CCDC3: variants seen among roughly 807,000 people sequenced by gnomAD.
The protein encoded by CCDC3 is coiled-coil domain-containing protein 3.
In CCDC3, 24 loss-of-function variants were observed where a neutral mutation model predicts 21.4. That is an observed-to-expected ratio of 1.12 (90% confidence interval 0.81 to 1.58). The LOEUF is 1.58. Ranked by LOEUF, CCDC3 falls within the 40% of genes most tolerant of loss-of-function variation. The pLI, the probability that CCDC3 is intolerant of heterozygous loss-of-function variation, is 0.00. For missense variants in CCDC3, 425 were observed against 360.9 expected (o/e 1.18, Z -1.44); for synonymous variants, 186 against 166.0 (o/e 1.12, Z -0.93).
At chr10:13,058,925 T>A (rs868039057) in intron 4 of CCDC3, among the ~76,000 whole-genome samples, 2 of 152,266 alleles carry the variant, frequency 1.3e-5, no homozygotes, top group South Asian at 4.1e-4. Context: ...ATATTCTAAT[T>A]GCTTCACATA....
intron 2 of CCDC3, among the ~76,000 whole-genome samples, chr10:12,983,126 T>C (rs1206141335): frequency 2.0e-5 from 1 of 49,946 alleles, no homozygotes; most frequent in African/African-American, 9.3e-5. Flanking sequence ...ATAAATAAAA[T>C]AGTGTATATA....
intron 2 of CCDC3, among the ~76,000 whole-genome samples, chr10:12,904,301 T>TA (rs1479812035): frequency 1.3e-5 from 2 of 151,326 alleles, no homozygotes; most frequent in African/African-American, 4.9e-5. Flanking sequence ...ACCCCATCTC[T>TA]AAAAAATAAA....
At chr10:12,952,932 A>C (rs1835028670) in intron 2 of CCDC3, among the ~76,000 whole-genome samples, 1 of 152,164 alleles carries the variant, frequency 6.6e-6, no homozygotes, top group Non-Finnish European at 1.5e-5. Flanking sequence ...GCTTTCCTTC[A>C]GATTTTGAGC....
At chr10:12,995,773 C>G (rs1835753603) in intron 2 of CCDC3, among the ~76,000 whole-genome samples, 1 of 152,126 alleles carries the variant, frequency 6.6e-6, no homozygotes, top group South Asian at 2.1e-4. Context: ...CAGGGTGATT[C>G]AAGGGAAAGG....
chr10:13,024,976 G>A (rs1331166416), intron 5 of CCDC3, among the ~76,000 whole-genome samples: 1 of 152,090 alleles, frequency 6.6e-6, no homozygotes, highest in Non-Finnish European at 1.5e-5. Flanking sequence ...CTCAAAGCCT[G>A]TGTTATTACA....
chr10:12,914,065 T>C (rs1589001982), intron 2 of CCDC3, among the ~76,000 whole-genome samples: 1 of 152,330 alleles, frequency 6.6e-6, no homozygotes, highest in East Asian at 1.9e-4. Flanking sequence ...AGTGTTTTTG[T>C]CTGCTTTTAG....
chr10:13,019,924 A>C (rs140437637), intron 5 of CCDC3, among the ~76,000 whole-genome samples: 1 of 152,350 alleles, frequency 6.6e-6, no homozygotes, highest in East Asian at 1.9e-4. Context: ...TGAAACCTAA[A>C]GGTGGAAGTT....
intron 4 of CCDC3, among the ~76,000 whole-genome samples, chr10:13,050,918 C>T (rs1836598118): frequency 1.3e-5 from 2 of 152,096 alleles, no homozygotes; most frequent in South Asian, 4.1e-4. Context: ...TCCTGAGTAG[C>T]TGAGACTACA....
chr10:12,969,707 T>C (rs940602462), intron 2 of CCDC3, among the ~76,000 whole-genome samples: 1 of 148,896 alleles, frequency 6.7e-6, no homozygotes, highest in African/African-American at 2.4e-5. Flanking sequence ...TTAAAAAATA[T>C]TTTAATAATT....
intron 5 of CCDC3, among the ~76,000 whole-genome samples, chr10:13,018,856 A>C (rs1002942919): frequency 6.6e-6 from 1 of 151,786 alleles, no homozygotes; most frequent in African/African-American, 2.4e-5. Flanking sequence ...ATTTGGCTTG[A>C]ACCTGGGAGG....
At chr10:12,947,428 G>A (rs75054422) in intron 2 of CCDC3, among the ~76,000 whole-genome samples, 65 of 152,264 alleles carry the variant, frequency 4.3e-4, no homozygotes, top group African/African-American at 1.4e-3. Context: ...GATTACAGGC[G>A]TGGGTCACCA....
At chr10:13,069,045 C>T (rs374467560) in intron 4 of CCDC3, among the ~76,000 whole-genome samples, 4 of 152,292 alleles carry the variant, frequency 2.6e-5, no homozygotes, top group East Asian at 1.9e-4. Flanking sequence ...CACCTGAGGT[C>T]GGGAGTTCGA....
At chr10:13,058,516 C>T in intron 4 of CCDC3, 1 of 742,800 alleles carries the variant, frequency 1.3e-6, no homozygotes, top group South Asian at 1.4e-5. Context: ...GTTCGTTACA[C>T]AAACTATCAT....
At chr10:12,914,370 G>T (rs2131207613) in intron 2 of CCDC3, among the ~76,000 whole-genome samples, 1 of 152,198 alleles carries the variant, frequency 6.6e-6, no homozygotes, top group Non-Finnish European at 1.5e-5. Flanking sequence ...GCATATGATT[G>T]TCTGTGGTAG....
intron 3 of CCDC3, among the ~76,000 whole-genome samples, chr10:13,084,204 A>T (rs1039637840): frequency 6.6e-6 from 1 of 151,990 alleles, no homozygotes; most frequent in African/African-American, 2.4e-5. Context: ...CCTAGGGTGG[A>T]CATGTTTCTT....
At chr10:12,905,594 G>A (rs1011112068) in intron 2 of CCDC3, among the ~76,000 whole-genome samples, 2 of 152,146 alleles carry the variant, frequency 1.3e-5, no homozygotes, top group Non-Finnish European at 2.9e-5. Flanking sequence ...TGTGATGATG[G>A]CTTTGGCTGC....
chr10:12,975,093 G>A (rs144425557), intron 2 of CCDC3, among the ~76,000 whole-genome samples: 8 of 152,278 alleles, frequency 5.3e-5, no homozygotes, highest in South Asian at 2.1e-4. Flanking sequence ...AACTCACGCC[G>A]CTCTAGTCAC....
At chr10:13,093,019 C>T (rs1832591122) in intron 3 of CCDC3, among the ~76,000 whole-genome samples, 1 of 146,028 alleles carries the variant, frequency 6.8e-6, no homozygotes, top group African/African-American at 2.5e-5. Context: ...ATGTATGAAC[C>T]CCTCACCTTT....
At chr10:12,909,911 G>C (rs964174805) in intron 2 of CCDC3, among the ~76,000 whole-genome samples, 1 of 152,230 alleles carries the variant, frequency 6.6e-6, no homozygotes, top group Non-Finnish European at 1.5e-5. Context: ...GAAAGGCCAG[G>C]CTCCACCTTC....
Sources: allele counts gnomAD v4.1 joint callset (sites outside exome capture counted in the v4.1 genomes callset), GRCh38; gene constraint gnomAD v4.1.1; transcripts MANE v1.5; gene names NCBI Gene and HGNC (gene_info 2026-07-23, HGNC 2026-07-21).